TMEM68: variants seen among roughly 807,000 people sequenced by gnomAD.
TMEM68 encodes the protein DGAT1/2-independent enzyme synthesizing storage lipids.
In TMEM68, 25 loss-of-function variants were observed where a neutral mutation model predicts 36.9. That is an observed-to-expected ratio of 0.68 (90% CI 0.49 to 0.95). The LOEUF (loss-of-function observed/expected upper bound fraction) is 0.95, where lower values mean the gene tolerates loss of function less well. Among genes scored for constraint, TMEM68 ranks in the 40% least tolerant of loss-of-function variants. The pLI, the probability that TMEM68 is intolerant of heterozygous loss-of-function variation, is 0.00. For missense variants in TMEM68, 333 were observed against 392.0 expected, an observed-to-expected ratio of 0.85 and a Z score of 1.27; for synonymous variants, 131 against 124.4, an observed-to-expected ratio of 1.05 and a Z score of -0.35.
chr8:55,753,922 T>C (rs890383717), intron 4 of TMEM68, among the ~76,000 whole-genome samples: 2 of 150,094 alleles, frequency 1.3e-5, no homozygotes, highest in Admixed American at 1.3e-4. Flanking sequence ...TGAAACTCCA[T>C]CTCTACTAAA....
chr8:55,770,535 TG>T (rs1335706099), intron 1 of TMEM68, among the ~76,000 whole-genome samples: 2 of 152,050 alleles, frequency 1.3e-5, no homozygotes, highest in Non-Finnish European at 2.9e-5. Context: ...TCGCCAGGCA[TG>T]GTGGCACGTT....
intron 3 of TMEM68, among the ~76,000 whole-genome samples, chr8:55,758,761 G>A (rs545464795): frequency 3.3e-5 from 5 of 152,166 alleles, no homozygotes; most frequent in African/African-American, 4.8e-5. Flanking sequence ...AGCTATGATC[G>A]TGCCACTGCA....
At chr8:55,749,647 C>CAA (rs1393410036) in intron 5 of TMEM68, among the ~76,000 whole-genome samples, 1 of 152,142 alleles carries the variant, frequency 6.6e-6, no homozygotes, top group East Asian at 1.9e-4. Context: ...AGATCCCTTC[C>CAA]ATCCCTCCAT....
chr8:55,764,318 T>C (rs1349836967), intron 1 of TMEM68, among the ~76,000 whole-genome samples: 5 of 152,258 alleles, frequency 3.3e-5, no homozygotes, highest in African/African-American at 1.2e-4. Context: ...CTTTGCCAGA[T>C]AACCTGAAGG....
chr8:55,766,899 T>C (rs1810980671), intron 1 of TMEM68, among the ~76,000 whole-genome samples: 1 of 152,200 alleles, frequency 6.6e-6, no homozygotes, highest in Admixed American at 6.5e-5. Flanking sequence ...TTGAAGATAA[T>C]GCCAACAGGA....
chr8:55,745,296 T>G lies in TMEM68; in HGVS notation c.688-175A>C, dbSNP rs572958526. Reference sequence around the variant, plus strand: ...CCCAGAAGCTAAGCAGGGTCGGGTCTCGTTAGTATTGGCATGGGAGAAAGA... The same window carrying G: ...CCCAGAAGCTAAGCAGGGTCGGGTCGCGTTAGTATTGGCATGGGAGAAAGA... On this transcript the variant is annotated intron_variant, in intron 5 of 7. Coordinates refer to ENST00000434581, the MANE Select transcript of TMEM68 (RefSeq NM_001286657.2). 1.3e-5 allele frequency: 5 copies of G among 372,838 alleles called. No homozygotes were observed. The Admixed American group carries it at 1.4e-4, about 10-fold the overall frequency. The allele number at this position is 372,838 out of a possible 1,614,324, so 23.1% of individuals were successfully genotyped here.
chr8:55,758,236 G>A (rs1313225256), intron 3 of TMEM68, among the ~76,000 whole-genome samples: 5 of 152,236 alleles, frequency 3.3e-5, no homozygotes, highest in South Asian at 4.1e-4. Context: ...TAGCTGTAGC[G>A]CAGCAATAAA....
intron 5 of TMEM68, among the ~76,000 whole-genome samples, chr8:55,748,582 G>GGA (rs151007332): frequency 2.0e-5 from 3 of 150,964 alleles, no homozygotes; most frequent in Admixed American, 6.6e-5. Flanking sequence ...AGGAAGGGGG[G>GGA]GAGAGAGAGA....
In TMEM68 at chr8:55,743,573, T is replaced by C. The variant is rs1563426070; in HGVS notation, c.796A>G (p.Met266Val). ...AACTTCACTGGAAAACCTCCATACATTGGAGCAAATGGATAGCGGAATTTT... is the reference window on the plus strand; with the variant it reads ...AACTTCACTGGAAAACCTCCATACACTGGAGCAAATGGATAGCGGAATTTT... Reference protein sequence around the residue: ...YEKFRYPFAPMYGGFPVKLRT... With the variant: ...YEKFRYPFAPVYGGFPVKLRT... Residue 266 changes from methionine (M) to valine (V), a missense_variant, in exon 7 of 8, where the codon ATG becomes GTG. By Grantham distance (21) the Met-to-Val change is conservative. Transcript: ENST00000434581. 5 of 1,535,700 alleles carry C rather than the reference T, an allele frequency of 3.3e-6. No homozygotes were observed. The highest frequency in any genetic ancestry group is 2.6e-6 in the Non-Finnish European group (3 of 1,146,752).
Position 55,750,948 on chromosome 8 carries a change from AT to A in TMEM68, c.687+15del, listed in dbSNP as rs529717849. 773 of 1,590,446 alleles carry A rather than the reference AT, an allele frequency of 4.9e-4. 1 individual carries two copies. Among genetic ancestry groups the A allele is most frequent in the South Asian group, 1.1e-3 (95 of 86,238 alleles). On this transcript the variant is annotated intron_variant, in intron 5 of 7. Coordinates refer to ENST00000434581, the MANE Select transcript of TMEM68 (RefSeq NM_001286657.2). ...TGACTAAGCTTTACTTCAATAATTA[AT>A]TTTATATAACTCACCACTTTTGCAT...
rs184542584 is a variant in TMEM68 at position 55,769,708 on chromosome 8, C to T, written c.-115+3561G>A. The stretch of plus-strand genomic sequence containing the variant: ...ACTGCAGTGGCTCGATTTCAGCTCA[C>T]TGCAACCTCCACCTCCCAGGCTCAA... On this transcript the variant is annotated intron_variant, in intron 1 of 7. Transcript: ENST00000434581. Among the ~76,000 whole-genome samples, 1,025 of 152,208 alleles carry T rather than the reference C, an allele frequency of 6.7e-3. 7 individuals are homozygous for T. Among genetic ancestry groups the T allele is most frequent in the Non-Finnish European group, 0.011 (755 of 68,010 alleles).
chr8:55,760,682 A>G (rs1189197800), intron 3 of TMEM68: 1 of 152,262 alleles, frequency 6.6e-6, no homozygotes, highest in Non-Finnish European at 1.5e-5. Flanking sequence ...ATACATTTCT[A>G]AAGTAGTTTA....
intron 4 of TMEM68, among the ~76,000 whole-genome samples, chr8:55,754,365 T>A (rs2129962781): frequency 6.8e-6 from 1 of 147,942 alleles, no homozygotes; most frequent in East Asian, 2.0e-4. Flanking sequence ...GAGGCTGAGG[T>A]ACGAGAATCA....
At chr8:55,764,926 G>T (rs1021053468) in intron 1 of TMEM68, among the ~76,000 whole-genome samples, 4 of 152,092 alleles carry the variant, frequency 2.6e-5, no homozygotes, top group African/African-American at 4.8e-5. Flanking sequence ...TATAAAATTA[G>T]CTGGGAGTGG....
chr8:55,758,783 G>A (rs1194273288), intron 3 of TMEM68, among the ~76,000 whole-genome samples: 1 of 152,182 alleles, frequency 6.6e-6, no homozygotes, highest in African/African-American at 2.4e-5. Flanking sequence ...TCCAGGCTGG[G>A]TGACAGTGCG....
intron 7 of TMEM68, 62 bp from the exon 8 acceptor site, chr8:55,740,280 C>T: frequency 2.5e-6 from 3 of 1,193,804 alleles, no homozygotes; most frequent in Non-Finnish European, 3.6e-6. Context: ...GATTTATCTC[C>T]CATTACCCCT....
intron 1 of TMEM68, among the ~76,000 whole-genome samples, chr8:55,766,601 C>T (rs1810970429): frequency 6.6e-6 from 1 of 152,092 alleles, no homozygotes; most frequent in Admixed American, 6.5e-5. Context: ...TGGTCTCGAT[C>T]TCCTGAACTT....
chr8:55,763,717 C>CTTAA (rs1810877868), intron 2 of TMEM68: 1 of 46,992 alleles, frequency 2.1e-5, no homozygotes, highest in Admixed American at 2.5e-4. Flanking sequence ...CAAAAGAAAA[C>CTTAA]ATCAATATCT....
At chr8:55,741,794 G>T (rs527462879) in intron 7 of TMEM68, among the ~76,000 whole-genome samples, 14 of 152,240 alleles carry the variant, frequency 9.2e-5, no homozygotes, top group African/African-American at 2.9e-4. Flanking sequence ...AGCTGGGTAA[G>T]GTAAGGCTTT....
Sources: gnomAD v4.1 joint callset for allele counts (sites outside exome capture counted in the v4.1 genomes callset) on GRCh38, gnomAD v4.1.1 for gene constraint, MANE v1.5 for transcripts, NCBI Gene and HGNC (gene_info 2026-07-23, HGNC 2026-07-21) for gene names.